Variants in SLC9A4 observed in about 807,000 individuals in gnomAD.
The protein encoded by SLC9A4 is sodium/hydrogen exchanger 4.
SLC9A4 carries 63 observed loss-of-function variants against 67.4 expected under a neutral mutation model. The observed-to-expected ratio is 0.93, with a 90% CI of 0.76 to 1.15. The LOEUF is 1.15. Ranked by LOEUF, SLC9A4 falls within the 50% of genes most tolerant of loss-of-function variation. SLC9A4 has a pLI of 0.00. For missense variants in SLC9A4, 1,089 were observed against 987.7 expected (o/e 1.10, Z -1.38); for synonymous variants, 393 against 367.2 (o/e 1.07, Z -0.80).
chr2:102,526,825 A>AT (rs1674676401), intron 11 of SLC9A4, among the ~76,000 whole-genome samples: 1 of 152,134 alleles, frequency 6.6e-6, no homozygotes, highest in Non-Finnish European at 1.5e-5. Flanking sequence ...TTAATATTTA[A>AT]TTATTAAGTG....
chr2:102,482,731 C>A (rs1382763336), intron 2 of SLC9A4, among the ~76,000 whole-genome samples: 3 of 152,090 alleles, frequency 2.0e-5, no homozygotes, highest in African/African-American at 7.2e-5. Context: ...CAGGGACACC[C>A]CTTGGAAATC....
intron 8 of SLC9A4, among the ~76,000 whole-genome samples, chr2:102,514,674 A>G (rs1420784439): frequency 6.6e-6 from 1 of 152,218 alleles, no homozygotes; most frequent in East Asian, 1.9e-4. Flanking sequence ...TTCTGAGATG[A>G]TAACTTGGAT....
intron 9 of SLC9A4, among the ~76,000 whole-genome samples, chr2:102,524,119 C>G (rs1304670145): frequency 2.0e-5 from 3 of 152,360 alleles, no homozygotes; most frequent in East Asian, 3.9e-4. Flanking sequence ...CCTTCCACAG[C>G]ACCTGGCACA....
intron 10 of SLC9A4, 81 bp from the exon 11 acceptor site, chr2:102,526,178 G>C: frequency 7.0e-7 from 1 of 1,437,962 alleles, no homozygotes. Flanking sequence ...GTGAGCCACA[G>C]TGTCTGGCCC....
intron 2 of SLC9A4, among the ~76,000 whole-genome samples, chr2:102,483,433 C>A (rs556021301): frequency 6.6e-6 from 1 of 152,148 alleles, no homozygotes. Context: ...CATGCCTTTT[C>A]GGCAAGGAGG....
intron 4 of SLC9A4, among the ~76,000 whole-genome samples, chr2:102,506,380 C>A (rs1685050124): frequency 6.6e-6 from 1 of 152,132 alleles, no homozygotes; most frequent in South Asian, 2.1e-4. Context: ...TGGCTGATAA[C>A]CTATCTTGAA....
At chr2:102,489,501 C>T (rs796575644) in intron 2 of SLC9A4, among the ~76,000 whole-genome samples, 3 of 152,264 alleles carry the variant, frequency 2.0e-5, no homozygotes, top group African/African-American at 7.2e-5. Flanking sequence ...CATCTTTCTT[C>T]AAGTTCAGAA....
At chr2:102,486,742 G>A (rs1342059394) in intron 2 of SLC9A4, among the ~76,000 whole-genome samples, 1 of 152,120 alleles carries the variant, frequency 6.6e-6, no homozygotes, top group East Asian at 1.9e-4. Flanking sequence ...GACTTCAAAG[G>A]GTGATTGTGA....
intron 2 of SLC9A4, 78 bp downstream of exon 2, chr2:102,479,380 ACGGCTCCAGTGTGGCTCAG>A: frequency 6.9e-7 from 1 of 1,439,572 alleles, no homozygotes; most frequent in Non-Finnish European, 9.3e-7. Flanking sequence ...GGCTGTGGAG[ACGGCTCCAGTGTGGCTCAG>A]CGCAGCAGGA....
chr2:102,510,222 T>C (rs559448327), intron 6 of SLC9A4, among the ~76,000 whole-genome samples: 55 of 150,884 alleles, frequency 3.6e-4, no homozygotes, highest in Non-Finnish European at 6.0e-4. Flanking sequence ...TAGATACAGA[T>C]ACGGATACGG....
At position 102,533,898 on chromosome 2, in the gene SLC9A4, G is replaced by A. The variant is rs1401976234; in HGVS notation, c.*1210G>A. ...TTTCTTAATCCAGTCTATCATTGTT[G>A]GACATTTGGGTTGGTTCCAAGTCTT... is the stretch of plus-strand genomic sequence containing the variant. On this transcript the variant is annotated 3_prime_UTR_variant, in exon 12 of 12. Coordinates refer to ENST00000295269, the MANE Select transcript of SLC9A4 (RefSeq NM_001011552.4). The A allele has an allele frequency of 9.9e-5, 15 of 150,820 alleles. No homozygotes were observed. Among genetic ancestry groups the A allele is most frequent in the African/African-American group, 3.7e-4 (15 of 40,972 alleles). The allele number at this position is 150,820 out of a possible 1,614,324, so 9.3% of individuals were successfully genotyped here.
At chr2:102,526,223 C>T (rs1364402639) in intron 10 of SLC9A4, 36 bp from the exon 11 acceptor site, 2 of 1,600,370 alleles carry the variant, frequency 1.2e-6, no homozygotes, top group South Asian at 1.1e-5. Flanking sequence ...ATTGAGACAG[C>T]TTATTCTGCT....
chr2:102,528,499 C>T (rs559115137), intron 11 of SLC9A4, among the ~76,000 whole-genome samples: 1 of 151,894 alleles, frequency 6.6e-6, no homozygotes, highest in African/African-American at 2.4e-5. Context: ...CTCCCGGGCA[C>T]AAGGGATCCT....
At chr2:102,496,040 A>G (rs1431045285) in intron 2 of SLC9A4, among the ~76,000 whole-genome samples, 1 of 152,202 alleles carries the variant, frequency 6.6e-6, no homozygotes, top group Non-Finnish European at 1.5e-5. Flanking sequence ...ATTGGATTTT[A>G]TCAAAAGAAA....
rs908482355 is a variant in SLC9A4, at chr2:102,532,731, G to T, written c.*43G>T. 25 of 1,552,942 alleles carry T rather than the reference G, an allele frequency of 1.6e-5. No individual in the cohort carries two copies. The highest frequency in any genetic ancestry group is 2.1e-5 in the Non-Finnish European group (24 of 1,140,328). Reference sequence around the variant, plus strand: ...TTGTTTTGGTGTTTCTCAAGAGTCTGTCTTCCTATAACTGTGAAAGGAGGA... The same window carrying T: ...TTGTTTTGGTGTTTCTCAAGAGTCTTTCTTCCTATAACTGTGAAAGGAGGA... On this transcript the variant is annotated 3_prime_UTR_variant, in exon 12 of 12. Transcript: ENST00000295269.
At chr2:102,529,192 A>C (rs1014674554) in intron 11 of SLC9A4, among the ~76,000 whole-genome samples, 1 of 152,216 alleles carries the variant, frequency 6.6e-6, no homozygotes, top group Non-Finnish European at 1.5e-5. Context: ...GTTCTACATG[A>C]ATTACTTCAG....
chr2:102,512,596 C>T (rs1323679478), intron 7 of SLC9A4, among the ~76,000 whole-genome samples: 1 of 152,150 alleles, frequency 6.6e-6, no homozygotes, highest in Non-Finnish European at 1.5e-5. Flanking sequence ...ACGGAATGGC[C>T]AGCTTAGAAA....
In SLC9A4 at chr2:102,473,623, T is replaced by G; in HGVS notation, c.-137T>G. ...ACAGAGCTCAATAACACACTCGGAA[T>G]CTTCTTGGGAGGACCCACAGACTGT... On this transcript the variant is annotated 5_prime_UTR_variant, in exon 1 of 12. Transcript: ENST00000295269. 1 of 1,060,368 alleles carries G rather than the reference T, an allele frequency of 9.4e-7. No homozygotes were observed. Among genetic ancestry groups the G allele is most frequent in the Non-Finnish European group, 1.3e-6 (1 of 745,236 alleles). 65.7% of individuals were successfully genotyped at this position (1,060,368 alleles called of 1,614,324 possible).
intron 2 of SLC9A4, among the ~76,000 whole-genome samples, chr2:102,496,504 T>A (rs1283132635): frequency 1.3e-5 from 2 of 152,192 alleles, no homozygotes; most frequent in Non-Finnish European, 2.9e-5. Flanking sequence ...ATATACCTAG[T>A]TTTTTAGAAA....
Sources: allele counts gnomAD v4.1 joint callset (sites outside exome capture counted in the v4.1 genomes callset), GRCh38; gene constraint gnomAD v4.1.1; transcripts MANE v1.5; gene names NCBI Gene and HGNC (gene_info 2026-07-23, HGNC 2026-07-21).